The following VAV3 variants were observed in gnomAD, a reference collection of about 807,000 sequenced individuals.
VAV3 encodes vav guanine nucleotide exchange factor 3.
In VAV3, 94 loss-of-function variants were observed where a neutral mutation model predicts 131.2. The observed-to-expected ratio is 0.72, with a 90% CI of 0.61 to 0.85. The LOEUF is 0.85. Among genes scored for constraint, VAV3 ranks in the 40% least tolerant of loss-of-function variants. The pLI is 0.00. For missense variants in VAV3, 939 were observed against 1,002.7 expected, an observed-to-expected ratio of 0.94 and a Z score of 0.86; for synonymous variants, 349 against 342.0, an observed-to-expected ratio of 1.02 and a Z score of -0.22.
chr1:107,770,577 T>G, intron 6 of VAV3, 59 bp downstream of exon 6: 2 of 1,100,440 alleles, frequency 1.8e-6, no homozygotes, highest in Non-Finnish European at 2.8e-6. Context: ...ACAGTGAGTC[T>G]AATATATTAA....
intron 1 of VAV3, among the ~76,000 whole-genome samples, chr1:107,917,637 G>A (rs975372547): frequency 6.6e-6 from 1 of 152,122 alleles, no homozygotes; most frequent in Non-Finnish European, 1.5e-5. Flanking sequence ...AGTTACAGAA[G>A]AACAGTCAAG....
chr1:107,909,439 T>A (rs1278808179), intron 1 of VAV3, among the ~76,000 whole-genome samples: 1 of 148,390 alleles, frequency 6.7e-6, no homozygotes, highest in African/African-American at 2.5e-5. Flanking sequence ...GAAAGATGAG[T>A]AGACAATGGA....
intron 9 of VAV3, among the ~76,000 whole-genome samples, chr1:107,762,004 T>C (rs1292398035): frequency 6.6e-6 from 1 of 152,124 alleles, no homozygotes; most frequent in Non-Finnish European, 1.5e-5. Flanking sequence ...GTAAATTACT[T>C]TGAAGTGTCA....
chr1:107,802,041 T>C (rs1666853925), intron 2 of VAV3, among the ~76,000 whole-genome samples: 1 of 152,066 alleles, frequency 6.6e-6, no homozygotes, highest in African/African-American at 2.4e-5. Context: ...TTCATCGGCA[T>C]TTTAAGGTTT....
At chr1:107,656,481 T>C (rs1656567159) in intron 19 of VAV3, among the ~76,000 whole-genome samples, 1 of 152,154 alleles carries the variant, frequency 6.6e-6, no homozygotes, top group Non-Finnish European at 1.5e-5. Flanking sequence ...AGGTAGCAGA[T>C]GAAGAGATTA....
chr1:107,708,178 C>T (rs1660565206), intron 15 of VAV3, among the ~76,000 whole-genome samples: 1 of 151,948 alleles, frequency 6.6e-6, no homozygotes, highest in Non-Finnish European at 1.5e-5. Context: ...ACAGGATTGA[C>T]ATCACATTTA....
chr1:107,856,853 A>G (rs1433042662), intron 2 of VAV3, among the ~76,000 whole-genome samples: 2 of 152,144 alleles, frequency 1.3e-5, no homozygotes, highest in Non-Finnish European at 2.9e-5. Context: ...CCTGAGCTAC[A>G]TGGTGAGACC....
At chr1:107,914,239 C>T (rs1417853210) in intron 1 of VAV3, among the ~76,000 whole-genome samples, 1 of 152,104 alleles carries the variant, frequency 6.6e-6, no homozygotes, top group Non-Finnish European at 1.5e-5. Flanking sequence ...GCCAGCAGAG[C>T]CAGACAGAAA....
intron 19 of VAV3, among the ~76,000 whole-genome samples, chr1:107,654,621 C>G (rs1656409942): frequency 6.6e-6 from 1 of 152,012 alleles, no homozygotes; most frequent in Non-Finnish European, 1.5e-5. Context: ...CTTTTTCCCT[C>G]ACTTTATCCT....
intron 2 of VAV3, among the ~76,000 whole-genome samples, chr1:107,817,642 C>G (rs1667614311): frequency 6.6e-6 from 1 of 151,926 alleles, no homozygotes; most frequent in Admixed American, 6.6e-5. Context: ...CAGCAATGGC[C>G]CAGACTGCAA....
At chr1:107,785,869 C>A (rs1364972330) in intron 2 of VAV3, among the ~76,000 whole-genome samples, 1 of 152,194 alleles carries the variant, frequency 6.6e-6, no homozygotes, top group Non-Finnish European at 1.5e-5. Context: ...AGACTAACAA[C>A]ATGTTTCACC....
chr1:107,702,805 A>AC (rs1660216895), intron 17 of VAV3, among the ~76,000 whole-genome samples: 1 of 134,608 alleles, frequency 7.4e-6, no homozygotes, highest in African/African-American at 2.9e-5. Context: ...CAAAAAAAAA[A>AC]AAAAAACCTG....
intron 4 of VAV3, 26 bp downstream of exon 4, chr1:107,777,205 A>G (rs1344592335): frequency 1.2e-6 from 2 of 1,609,504 alleles, no homozygotes; most frequent in Non-Finnish European, 8.5e-7. Flanking sequence ...GCAGTGGCTA[A>G]ATTTTGCTTG....
intron 20 of VAV3, among the ~76,000 whole-genome samples, chr1:107,628,471 C>T (rs984148138): frequency 2.6e-5 from 4 of 152,136 alleles, no homozygotes; most frequent in African/African-American, 9.7e-5. Context: ...AGCCCACCAG[C>T]CCCCAGGTTC....
intron 1 of VAV3, among the ~76,000 whole-genome samples, chr1:107,922,845 G>A (rs1293440245): frequency 2.0e-5 from 3 of 151,984 alleles, no homozygotes; most frequent in East Asian, 1.9e-4. Flanking sequence ...CCAGCTACTC[G>A]GGAGGCTGAG....
rs1390211593 is a variant in VAV3 at position 107,743,310 on chromosome 1, G to A, written c.1502+5658C>T. On this transcript the variant is annotated intron_variant, in intron 15 of 26. Transcript: ENST00000370056. ...AGAGACATGCAGAAGACGTAAACCA[G>A]GGGTGGCAAGGGAGAGTTCAGGCAG... Among the ~76,000 whole-genome samples the A allele has an allele frequency of 2.6e-5, 4 of 152,130 alleles. No individual in the cohort carries two copies. The East Asian group carries it at 7.7e-4, about 29-fold the overall frequency.
At chr1:107,856,033 T>C (rs13374031) in intron 2 of VAV3, among the ~76,000 whole-genome samples, 14,929 of 152,204 alleles carry the variant, frequency 0.098, 1,582 homozygotes, top group African/African-American at 0.26. Context: ...GAAGCACAGC[T>C]GGGCATGTTC....
intron 1 of VAV3, among the ~76,000 whole-genome samples, chr1:107,881,792 C>T (rs902943439): frequency 6.6e-6 from 1 of 152,156 alleles, no homozygotes; most frequent in Admixed American, 6.5e-5. Flanking sequence ...CAGGTAGCTA[C>T]CACAACAGAC....
intron 20 of VAV3, among the ~76,000 whole-genome samples, chr1:107,625,840 A>G (rs1653977542): frequency 6.6e-6 from 1 of 152,204 alleles, no homozygotes; most frequent in African/African-American, 2.4e-5. Context: ...CATCAAATCA[A>G]TAATCACGTC....
Sources: gnomAD v4.1 joint callset for allele counts (sites outside exome capture counted in the v4.1 genomes callset) on GRCh38, gnomAD v4.1.1 for gene constraint, MANE v1.5 for transcripts, NCBI Gene and HGNC (gene_info 2026-07-23, HGNC 2026-07-21) for gene names.